KCNIP4: variants seen among roughly 807,000 people sequenced by gnomAD.
The protein encoded by KCNIP4 is potassium voltage-gated channel interacting protein 4.
In KCNIP4, 12 loss-of-function variants were observed where a neutral mutation model predicts 34.0. The observed-to-expected ratio is 0.35, with a 90% CI of 0.23 to 0.57. KCNIP4 has a LOEUF of 0.57. Among genes scored for constraint, KCNIP4 ranks in the 20% least tolerant of loss-of-function variants. The pLI is 0.83. For missense variants in KCNIP4, 238 were observed against 311.7 expected, an observed-to-expected ratio of 0.76 and a Z score of 1.78; for synonymous variants, 124 against 102.2, an observed-to-expected ratio of 1.21 and a Z score of -1.29.
chr4:20,845,785 T>C (rs531686731), intron 3 of KCNIP4, among the ~76,000 whole-genome samples: 5 of 152,216 alleles, frequency 3.3e-5, no homozygotes, highest in South Asian at 2.1e-4. Context: ...TGGCCCTACA[T>C]TGACAGCCAG....
At chr4:21,030,880 G>C (rs1740964498) in intron 1 of KCNIP4, among the ~76,000 whole-genome samples, 1 of 152,118 alleles carries the variant, frequency 6.6e-6, no homozygotes, top group Non-Finnish European at 1.5e-5. Flanking sequence ...GCAGAAATAT[G>C]ATGTCCTGAC....
chr4:21,051,752 G>T (rs908890875), intron 1 of KCNIP4, among the ~76,000 whole-genome samples: 1 of 152,104 alleles, frequency 6.6e-6, no homozygotes, highest in African/African-American at 2.4e-5. Context: ...TATTGCAAAA[G>T]ATACTTGGAA....
At chr4:21,561,424 T>G (rs1739478327) in intron 1 of KCNIP4, among the ~76,000 whole-genome samples, 2 of 151,974 alleles carry the variant, frequency 1.3e-5, no homozygotes, top group South Asian at 4.1e-4. Flanking sequence ...TACAATTTCC[T>G]TAGATAGCAT....
intron 1 of KCNIP4, among the ~76,000 whole-genome samples, chr4:21,046,396 C>T (rs1742421144): frequency 6.6e-6 from 1 of 152,104 alleles, no homozygotes; most frequent in Non-Finnish European, 1.5e-5. Context: ...CTTTTCTCCG[C>T]CCAATTTTTG....
chr4:21,182,008 T>C (rs1309311585), intron 1 of KCNIP4, among the ~76,000 whole-genome samples: 1 of 152,146 alleles, frequency 6.6e-6, no homozygotes, highest in African/African-American at 2.4e-5. Context: ...GCCTCTACTA[T>C]AGCCCTTAGT....
intron 1 of KCNIP4, among the ~76,000 whole-genome samples, chr4:21,098,980 G>A (rs145498507): frequency 2.0e-5 from 3 of 152,264 alleles, no homozygotes; most frequent in African/African-American, 4.8e-5. Flanking sequence ...AGACACTGAC[G>A]AGGCTGCAGA....
intron 1 of KCNIP4, among the ~76,000 whole-genome samples, chr4:21,695,171 A>G (rs958250821): frequency 6.6e-6 from 1 of 152,106 alleles, no homozygotes; most frequent in Admixed American, 6.6e-5. Context: ...TGAATTTTAC[A>G]TTAGACTCTG....
intron 1 of KCNIP4, among the ~76,000 whole-genome samples, chr4:21,528,684 AAAG>A (rs1736210171): frequency 1.9e-3 from 4 of 2,128 alleles, no homozygotes; most frequent in African/African-American, 7.0e-3. Flanking sequence ...ACAAAGAAAG[AAAG>A]AAAGAAAGAA....
intron 1 of KCNIP4, among the ~76,000 whole-genome samples, chr4:21,370,842 T>TACAC (rs1720332007): frequency 7.3e-5 from 2 of 27,222 alleles, no homozygotes; most frequent in Non-Finnish European, 5.7e-5. Context: ...TATATATATA[T>TACAC]ATATATATAC....
chr4:21,010,010 A>G (rs1738930064), intron 1 of KCNIP4, among the ~76,000 whole-genome samples: 1 of 152,212 alleles, frequency 6.6e-6, no homozygotes, highest in African/African-American at 2.4e-5. Context: ...GATGATGGCC[A>G]GTTTAGTCCC....
chr4:21,194,878 G>T (rs530881318), intron 1 of KCNIP4, among the ~76,000 whole-genome samples: 314 of 152,228 alleles, frequency 2.1e-3, no homozygotes, highest in Middle Eastern at 0.01. Flanking sequence ...TTATTTCAAG[G>T]TTTATTTGTT....
At chr4:21,118,879 A>G (rs1749908269) in intron 1 of KCNIP4, among the ~76,000 whole-genome samples, 1 of 152,204 alleles carries the variant, frequency 6.6e-6, no homozygotes, top group Admixed American at 6.5e-5. Flanking sequence ...TGCCAGTGTT[A>G]CAGTGGCATT....
intron 1 of KCNIP4, among the ~76,000 whole-genome samples, chr4:21,860,741 T>C (rs1560769013): frequency 1.3e-5 from 2 of 152,202 alleles, no homozygotes; most frequent in Admixed American, 6.5e-5. Flanking sequence ...GATGCTTGTA[T>C]ACACAATTGA....
At chr4:21,403,649 T>A (rs1723726659) in intron 1 of KCNIP4, among the ~76,000 whole-genome samples, 1 of 152,230 alleles carries the variant, frequency 6.6e-6, no homozygotes, top group Admixed American at 6.5e-5. Flanking sequence ...TTCCTGTTGC[T>A]ATGACCAAAT....
chr4:21,102,791 G>A (rs575387468), intron 1 of KCNIP4, among the ~76,000 whole-genome samples: 3 of 152,204 alleles, frequency 2.0e-5, no homozygotes, highest in Non-Finnish European at 4.4e-5. Flanking sequence ...AAGAACATTT[G>A]CTGTTCCCAC....
intron 1 of KCNIP4, among the ~76,000 whole-genome samples, chr4:21,241,000 A>G (rs2109049571): frequency 1.3e-5 from 2 of 152,326 alleles, no homozygotes; most frequent in South Asian, 2.1e-4. Context: ...TTAGGCCAAA[A>G]TAAGGAACTA....
At chr4:21,149,273 C>T (rs529362076) in intron 1 of KCNIP4, among the ~76,000 whole-genome samples, 14 of 152,258 alleles carry the variant, frequency 9.2e-5, no homozygotes, top group Admixed American at 2.6e-4. Context: ...TAAAATACTC[C>T]TATGTGCAAA....
chr4:21,597,182 C>A (rs2109109957), intron 1 of KCNIP4, among the ~76,000 whole-genome samples: 1 of 152,176 alleles, frequency 6.6e-6, no homozygotes, highest in Admixed American at 6.5e-5. Context: ...ATAATTGCAT[C>A]ATGGGGGTCG....
chr4:21,451,510 T>C (rs779148797), intron 1 of KCNIP4, among the ~76,000 whole-genome samples: 4 of 152,164 alleles, frequency 2.6e-5, no homozygotes, highest in Non-Finnish European at 5.9e-5. Context: ...ATTTGTAAAA[T>C]AGAAATGAAA....
Sources: allele counts gnomAD v4.1 joint callset (sites outside exome capture counted in the v4.1 genomes callset), GRCh38; gene constraint gnomAD v4.1.1; transcripts MANE v1.5; gene names NCBI Gene and HGNC (gene_info 2026-07-23, HGNC 2026-07-21).